The following DGKB variants were observed in gnomAD, a reference collection of about 807,000 sequenced individuals.
The protein encoded by DGKB is 90 kDa diacylglycerol kinase.
A neutral mutation model predicts 114.3 loss-of-function variants in DGKB; 67 were observed. The ratio of observed to expected loss-of-function variants is 0.59; its 90% CI spans 0.48 to 0.72. The LOEUF is 0.72. Among genes scored for constraint, DGKB ranks in the 30% least tolerant of loss-of-function variants. The pLI, the probability that DGKB is intolerant of heterozygous loss-of-function variation, is 0.00. For synonymous variants in DGKB, 398 were observed against 323.1 expected (o/e 1.23, Z -2.49); for missense variants, 907 against 975.2 (o/e 0.93, Z 0.93).
chr7:14,848,052 T>G (rs1197961800), intron 1 of DGKB, among the ~76,000 whole-genome samples: 1 of 152,222 alleles, frequency 6.6e-6, no homozygotes, highest in African/African-American at 2.4e-5. Flanking sequence ...TTGAAATATT[T>G]TTGTGCAGGA....
intron 21 of DGKB, among the ~76,000 whole-genome samples, chr7:14,445,504 G>A (rs1830609352): frequency 6.6e-6 from 1 of 151,790 alleles, no homozygotes; most frequent in Non-Finnish European, 1.5e-5. Flanking sequence ...GTTTTACCAG[G>A]ATATAAAATT....
chr7:14,924,650 G>A (rs942558190), intron 1 of DGKB, among the ~76,000 whole-genome samples: 1 of 151,848 alleles, frequency 6.6e-6, no homozygotes, highest in African/African-American at 2.4e-5. Flanking sequence ...TCCATCAAAG[G>A]TTTCCAATTT....
intron 1 of DGKB, among the ~76,000 whole-genome samples, chr7:14,846,371 T>G (rs1211341545): frequency 6.6e-6 from 1 of 152,142 alleles, no homozygotes; most frequent in African/African-American, 2.4e-5. Context: ...TAAGGGTTGG[T>G]TACAAGTGAG....
intron 2 of DGKB, among the ~76,000 whole-genome samples, chr7:14,783,082 T>C (rs1839368634): frequency 6.6e-6 from 1 of 152,226 alleles, no homozygotes; most frequent in South Asian, 2.1e-4. Context: ...CATTTGGCTA[T>C]TATCTAAGTC....
chr7:14,599,652 T>C (rs1439099118), intron 17 of DGKB, among the ~76,000 whole-genome samples: 6 of 152,208 alleles, frequency 3.9e-5, no homozygotes, highest in Non-Finnish European at 7.3e-5. Context: ...GTTTAATATA[T>C]GTTTTCCATC....
At chr7:14,881,143 A>G (rs1041857535) in intron 1 of DGKB, among the ~76,000 whole-genome samples, 3 of 152,140 alleles carry the variant, frequency 2.0e-5, no homozygotes, top group Admixed American at 2.0e-4. Context: ...GATGCTACCA[A>G]ATGTTTTAAA....
chr7:14,970,396 G>A (rs62448583), intron 1 of DGKB, among the ~76,000 whole-genome samples: 29,226 of 151,848 alleles, frequency 0.19, 2,976 homozygotes, highest in Non-Finnish European at 0.22. Context: ...CTATAAAGAA[G>A]TAAAACAGGG....
At chr7:14,546,252 A>T (rs1259408005) in intron 20 of DGKB, among the ~76,000 whole-genome samples, 1 of 152,052 alleles carries the variant, frequency 6.6e-6, no homozygotes, top group South Asian at 2.1e-4. Context: ...TTTTTTCTCA[A>T]ATGACTGCCC....
chr7:14,565,605 C>T (rs1226714941), intron 20 of DGKB, among the ~76,000 whole-genome samples: 1 of 152,114 alleles, frequency 6.6e-6, no homozygotes, highest in East Asian at 1.9e-4. Context: ...AATAATTAAG[C>T]CCATCTCAGT....
chr7:14,641,567 T>A (rs1270777827), intron 13 of DGKB, among the ~76,000 whole-genome samples: 8 of 152,078 alleles, frequency 5.3e-5, no homozygotes, highest in Non-Finnish European at 1.2e-4. Context: ...TTGTAATAGA[T>A]GTAATGTAGA....
intron 21 of DGKB, among the ~76,000 whole-genome samples, chr7:14,351,271 TA>T (rs1047656043): frequency 2.8e-4 from 43 of 152,200 alleles, no homozygotes; most frequent in Non-Finnish European, 4.9e-4. Flanking sequence ...GGTATTACTT[TA>T]AAAAATACAC....
intron 20 of DGKB, among the ~76,000 whole-genome samples, chr7:14,504,682 A>G (rs182660521): frequency 2.4e-4 from 37 of 152,340 alleles, no homozygotes; most frequent in African/African-American, 8.7e-4. Context: ...GAAAACACAA[A>G]GAACAATCAG....
chr7:14,858,653 G>A (rs1850522751), intron 1 of DGKB, among the ~76,000 whole-genome samples: 1 of 152,078 alleles, frequency 6.6e-6, no homozygotes, highest in South Asian at 2.1e-4. Context: ...ATATTAAGTT[G>A]TCACGGTGTC....
At chr7:14,618,669 C>A (rs915913318) in intron 15 of DGKB, among the ~76,000 whole-genome samples, 2 of 151,454 alleles carry the variant, frequency 1.3e-5, no homozygotes, top group Non-Finnish European at 3.0e-5. Context: ...TCCCCTAGGA[C>A]TTGGGTTAAT....
intron 25 of DGKB, among the ~76,000 whole-genome samples, chr7:14,175,818 T>TGG: frequency 6.6e-6 from 1 of 152,014 alleles, no homozygotes; most frequent in African/African-American, 2.4e-5. Context: ...GTCTTTTTTT[T>TGG]GGGGGGGATG....
intron 21 of DGKB, among the ~76,000 whole-genome samples, chr7:14,432,038 T>C (rs1040478463): frequency 6.6e-6 from 1 of 152,168 alleles, no homozygotes; most frequent in South Asian, 2.1e-4. Context: ...CCCAGAAATA[T>C]AAAAACAATG....
At chr7:14,494,958 T>A in intron 20 of DGKB, among the ~76,000 whole-genome samples, 1 of 151,932 alleles carries the variant, frequency 6.6e-6, no homozygotes, top group East Asian at 1.9e-4. Context: ...AGTAATACTA[T>A]TTTTTAAATG....
intron 1 of DGKB, among the ~76,000 whole-genome samples, chr7:14,885,628 T>C (rs779309422): frequency 9.9e-5 from 15 of 151,934 alleles, no homozygotes; most frequent in Non-Finnish European, 1.9e-4. Context: ...CAGTTAAAAA[T>C]TATTCTATTA....
At chr7:14,728,352 T>C (rs185411474) in intron 5 of DGKB, among the ~76,000 whole-genome samples, 6 of 152,326 alleles carry the variant, frequency 3.9e-5, no homozygotes, top group Admixed American at 2.0e-4. Flanking sequence ...TTCTTCTGGA[T>C]AAAATTCACA....
Sources: gnomAD v4.1 joint callset for allele counts (sites outside exome capture counted in the v4.1 genomes callset) on GRCh38, gnomAD v4.1.1 for gene constraint, MANE v1.5 for transcripts, NCBI Gene and HGNC (gene_info 2026-07-23, HGNC 2026-07-21) for gene names.